Variants in NDUFAF2 observed in about 807,000 individuals in gnomAD.
NDUFAF2 encodes the protein NADH:ubiquinone oxidoreductase complex assembly factor 2.
Under a neutral mutation model 22.8 loss-of-function variants are expected in NDUFAF2, and 13 were observed. The ratio of observed to expected loss-of-function variants is 0.57; its 90% CI spans 0.37 to 0.91. NDUFAF2 has a LOEUF of 0.91. Among genes scored for constraint, NDUFAF2 ranks in the 40% least tolerant of loss-of-function variants. The pLI is 0.01. For synonymous variants in NDUFAF2, 53 were observed against 64.2 expected, an observed-to-expected ratio of 0.83 and a Z score of 0.84; for missense variants, 162 against 195.2, an observed-to-expected ratio of 0.83 and a Z score of 1.01.
chr5:61,068,567 A>G (rs1752257698), intron 1 of NDUFAF2, among the ~76,000 whole-genome samples: 1 of 152,136 alleles, frequency 6.6e-6, no homozygotes, highest in African/African-American at 2.4e-5. Context: ...AAAGGGAACA[A>G]TAACATGTTA....
intron 1 of NDUFAF2, among the ~76,000 whole-genome samples, chr5:61,051,016 A>G (rs1752018025): frequency 6.6e-6 from 1 of 152,184 alleles, no homozygotes; most frequent in Non-Finnish European, 1.5e-5. Context: ...CATTTATCTA[A>G]AAAATGCTAT....
At chr5:61,087,526 A>G (rs910480671) in intron 2 of NDUFAF2, among the ~76,000 whole-genome samples, 3 of 152,200 alleles carry the variant, frequency 2.0e-5, no homozygotes, top group Non-Finnish European at 4.4e-5. Context: ...GAAGATGTAA[A>G]GTACCTGAAA....
intron 3 of NDUFAF2, among the ~76,000 whole-genome samples, chr5:61,140,986 T>C (rs148079410): frequency 6.6e-6 from 1 of 152,142 alleles, no homozygotes; most frequent in Admixed American, 6.6e-5. Context: ...CCCAGCACTT[T>C]GGGAGGCCAA....
intron 1 of NDUFAF2, among the ~76,000 whole-genome samples, chr5:61,062,488 A>G (rs776177168): frequency 1.3e-5 from 2 of 152,180 alleles, no homozygotes; most frequent in Non-Finnish European, 2.9e-5. Context: ...GAATCTGAAG[A>G]TAGGTCTGTT....
chr5:60,972,599 A>G (rs2112573851), intron 1 of NDUFAF2, among the ~76,000 whole-genome samples: 1 of 152,236 alleles, frequency 6.6e-6, no homozygotes. Flanking sequence ...AGTCTTGGGT[A>G]TTCCTTCATA....
intron 2 of NDUFAF2, among the ~76,000 whole-genome samples, chr5:61,091,653 T>A (rs1752569686): frequency 6.6e-6 from 1 of 152,230 alleles, no homozygotes; most frequent in Admixed American, 6.5e-5. Context: ...TTTCTTTTGC[T>A]GTGCAAAAGT....
intron 3 of NDUFAF2, among the ~76,000 whole-genome samples, chr5:61,148,856 C>T (rs1340749559): frequency 1.3e-5 from 2 of 152,144 alleles, no homozygotes; most frequent in Non-Finnish European, 2.9e-5. Context: ...TAATGTTTGG[C>T]TTACATTAGA....
intron 2 of NDUFAF2, among the ~76,000 whole-genome samples, chr5:61,090,036 T>A (rs1752548120): frequency 6.6e-6 from 1 of 152,080 alleles, no homozygotes; most frequent in Non-Finnish European, 1.5e-5. Flanking sequence ...GCCATTATAC[T>A]TTTTCAGCAT....
chr5:60,988,837 T>C (rs917709920), intron 1 of NDUFAF2, among the ~76,000 whole-genome samples: 5 of 152,154 alleles, frequency 3.3e-5, no homozygotes, highest in African/African-American at 1.2e-4. Flanking sequence ...GAAGATGACC[T>C]AGGCAATACC....
intron 1 of NDUFAF2, among the ~76,000 whole-genome samples, chr5:61,004,132 C>T (rs1377524715): frequency 1.3e-5 from 2 of 151,966 alleles, no homozygotes; most frequent in East Asian, 3.9e-4. Context: ...AGGCTATTTG[C>T]ATCTATGTTA....
intron 1 of NDUFAF2, among the ~76,000 whole-genome samples, chr5:60,962,069 A>G (rs1750694140): frequency 6.6e-6 from 1 of 152,046 alleles, no homozygotes; most frequent in Non-Finnish European, 1.5e-5. Flanking sequence ...ATTGTTGAGT[A>G]TGCTTGAACA....
chr5:61,099,340 T>A (rs1752679668), intron 3 of NDUFAF2, among the ~76,000 whole-genome samples: 2 of 151,502 alleles, frequency 1.3e-5, no homozygotes, highest in African/African-American at 4.8e-5. Context: ...TGCACCAGGT[T>A]ATTTCCCCTG....
At chr5:60,989,139 A>T (rs562837630) in intron 1 of NDUFAF2, among the ~76,000 whole-genome samples, 120 of 152,354 alleles carry the variant, frequency 7.9e-4, no homozygotes, top group Non-Finnish European at 1.5e-3. Flanking sequence ...ACATACATGC[A>T]GCCAACAAGC....
intron 1 of NDUFAF2, among the ~76,000 whole-genome samples, chr5:61,048,061 CAAAT>C (rs543629285): frequency 3.3e-4 from 50 of 152,266 alleles, no homozygotes; most frequent in African/African-American, 9.6e-4. Context: ...GCCTTATTGA[CAAAT>C]GAATTCATTT....
intron 3 of NDUFAF2, among the ~76,000 whole-genome samples, chr5:61,126,008 G>C (rs295577): frequency 0.043 from 6,578 of 151,962 alleles, 175 homozygotes; most frequent in South Asian, 0.08. Context: ...TAGTACCAAA[G>C]GAAAGATCCA....
chr5:60,996,817 G>A (rs1017513781), intron 1 of NDUFAF2, among the ~76,000 whole-genome samples: 1 of 152,178 alleles, frequency 6.6e-6, no homozygotes, highest in Non-Finnish European at 1.5e-5. Context: ...GAAAAGCACT[G>A]AGTTCTGTGC....
chr5:61,045,653 A>G (rs1185309511), intron 1 of NDUFAF2, among the ~76,000 whole-genome samples: 1 of 151,416 alleles, frequency 6.6e-6, no homozygotes, highest in Non-Finnish European at 1.5e-5. Flanking sequence ...TCTTTTTTGA[A>G]TAGTTTACTG....
At chr5:60,996,007 A>G (rs1216421093) in intron 1 of NDUFAF2, among the ~76,000 whole-genome samples, 1 of 152,122 alleles carries the variant, frequency 6.6e-6, no homozygotes, top group Admixed American at 6.5e-5. Context: ...CTTTTGTTAA[A>G]TGCTGCCTGG....
intron 1 of NDUFAF2, among the ~76,000 whole-genome samples, chr5:61,018,716 C>T (rs1751542369): frequency 2.0e-5 from 3 of 152,034 alleles, no homozygotes; most frequent in Admixed American, 2.0e-4. Flanking sequence ...TTCTCATTCA[C>T]CTCTATATGG....
Sources: gnomAD v4.1 joint callset for allele counts (sites outside exome capture counted in the v4.1 genomes callset) on GRCh38, gnomAD v4.1.1 for gene constraint, MANE v1.5 for transcripts, NCBI Gene and HGNC (gene_info 2026-07-23, HGNC 2026-07-21) for gene names.